KIF3C: variants seen among roughly 807,000 people sequenced by gnomAD.
The protein encoded by KIF3C is kinesin family member 3C.
Under a neutral mutation model 67.7 loss-of-function variants are expected in KIF3C, and 12 were observed. The ratio of observed to expected loss-of-function variants is 0.18; its 90% CI spans 0.11 to 0.29. KIF3C has a LOEUF of 0.29. Among genes scored for constraint, KIF3C ranks in the 10% least tolerant of loss-of-function variants. The pLI is 1.00. For missense variants in KIF3C, 789 were observed against 1,059.6 expected, an observed-to-expected ratio of 0.74 and a Z score of 3.55; for synonymous variants, 393 against 426.2, an observed-to-expected ratio of 0.92 and a Z score of 0.96.
At chr2:25,940,428 A>C (rs1049193676) in intron 5 of KIF3C, among the ~76,000 whole-genome samples, 1 of 151,554 alleles carries the variant, frequency 6.6e-6, no homozygotes, top group African/African-American at 2.4e-5. Flanking sequence ...AAAATTAGCC[A>C]GGTGTGGTGG....
chr2:25,977,027 G>A (rs907052774), intron 1 of KIF3C, among the ~76,000 whole-genome samples: 3 of 147,364 alleles, frequency 2.0e-5, no homozygotes, highest in East Asian at 2.1e-4. Flanking sequence ...AGCATTTCCC[G>A]CCCACACCCT....
chr2:25,941,532 A>C (rs1035439341), intron 5 of KIF3C, among the ~76,000 whole-genome samples: 3 of 151,924 alleles, frequency 2.0e-5, no homozygotes, highest in Non-Finnish European at 4.4e-5. Flanking sequence ...AGCCTGGGCA[A>C]CATAGTGAAA....
intron 5 of KIF3C, among the ~76,000 whole-genome samples, chr2:25,950,205 A>G (rs905219373): frequency 6.9e-6 from 1 of 145,764 alleles, no homozygotes; most frequent in Admixed American, 6.9e-5. Flanking sequence ...CAGCAGAAAG[A>G]CCTTTTCTTT....
intron 6 of KIF3C, 38 bp from the exon 7 acceptor site, chr2:25,929,515 C>G (rs1309944142): frequency 5.1e-6 from 8 of 1,581,900 alleles, no homozygotes. Flanking sequence ...GAACAGTGCC[C>G]AGTCACTGTG....
chr2:25,971,030 T>C (rs1462103113), intron 1 of KIF3C, among the ~76,000 whole-genome samples: 2 of 150,890 alleles, frequency 1.3e-5, no homozygotes, highest in Non-Finnish European at 1.5e-5. Flanking sequence ...CCCAGCACTT[T>C]GGGAGGCCGA....
chr2:25,971,271 C>CAAAAA (rs35420433), intron 1 of KIF3C, among the ~76,000 whole-genome samples: 1 of 59,168 alleles, frequency 1.7e-5, no homozygotes, highest in Non-Finnish European at 3.7e-5. Flanking sequence ...GACTCTGTCT[C>CAAAAA]AAAAAAAAAA....
intron 5 of KIF3C, among the ~76,000 whole-genome samples, chr2:25,939,180 C>T (rs1663221454): frequency 1.3e-5 from 2 of 152,164 alleles, no homozygotes; most frequent in Admixed American, 6.6e-5. Context: ...GTTGGCCAGG[C>T]TGGTCTCGAA....
At chr2:25,951,522 T>G (rs1049734483) in intron 5 of KIF3C, 1 of 410,158 alleles carries the variant, frequency 2.4e-6, no homozygotes, top group African/African-American at 2.0e-5. Flanking sequence ...GAGGCTGAGA[T>G]GCTCTTCCTC....
At position 25,958,930 on chromosome 2, in the gene KIF3C, T is replaced by C. The variant is rs984243084; in HGVS notation, c.1546-2486A>G. 6.6e-6 allele frequency among the ~76,000 whole-genome samples: 1 copy of C among 151,980 alleles called. No individual in the cohort carries two copies. The highest frequency in any genetic ancestry group is 2.4e-5 in the African/African-American group (1 of 41,382). ...TCTCTACTAAAAATACAAAATTAGC[T>C]GGGCATAATGGCACATGCCTGTAAT... is the stretch of plus-strand genomic sequence containing the variant. On this transcript the variant is annotated intron_variant, in intron 1 of 7. Transcript: ENST00000264712. The surrounding 1 kb of genome is among the most constrained non-coding windows in gnomAD (Gnocchi z 4.5).
chr2:25,974,713 A>G (rs746049886), intron 1 of KIF3C, among the ~76,000 whole-genome samples: 4 of 152,054 alleles, frequency 2.6e-5, no homozygotes, highest in Admixed American at 6.6e-5. Flanking sequence ...TCATTTACAC[A>G]GAGGGATAGA....
intron 5 of KIF3C, among the ~76,000 whole-genome samples, chr2:25,931,007 ATTGTT>A (rs2090454581): frequency 6.6e-6 from 1 of 152,120 alleles, no homozygotes; most frequent in African/African-American, 2.4e-5. Context: ...TATTGTTATA[ATTGTT>A]TTGTCTTATA....
At chr2:25,962,781 T>TATATA (rs1165556138) in intron 1 of KIF3C, among the ~76,000 whole-genome samples, 63 of 81,546 alleles carry the variant, frequency 7.7e-4, no homozygotes, top group African/African-American at 3.5e-3. Flanking sequence ...ATATATGTTA[T>TATATA]ATATATAATA....
intron 5 of KIF3C, chr2:25,938,181 G>A (rs1663187952): frequency 2.5e-6 from 1 of 393,352 alleles, no homozygotes; most frequent in Admixed American, 2.9e-5. Flanking sequence ...TGGCCAATTT[G>A]GTAAAACCCC....
chr2:25,963,927 G>A (rs1664075768), intron 1 of KIF3C, among the ~76,000 whole-genome samples: 1 of 152,014 alleles, frequency 6.6e-6, no homozygotes, highest in African/African-American at 2.4e-5. Context: ...TGCTGACCTT[G>A]TGATCCGCCC....
rs1433634586 is a variant in KIF3C at position 25,981,914 on chromosome 2, C to G, written c.4G>C (p.Ala2Pro). The change falls in exon 1 of 8, where the codon GCC (alanine) becomes CCC (proline). Residue 2 changes from alanine to proline, a missense_variant. Physicochemically the swap from Ala to Pro is conservative, Grantham distance 27. This residue lies in a region of KIF3C where 141 missense variants were observed against 251.8 expected (regional missense o/e 0.56). Transcript: ENST00000264712. This position sits in a 1 kb window ranked among gnomAD's most constrained non-coding sequence, Gnocchi z 8.2. ...GCCTCGCTGGCCTTGGTCTTACTGG[C>G]CATCTTGCTGCTCTGACCTTCCTGC... Reference protein sequence around the residue: MASKTKASEALK... With the variant: MPSKTKASEALK... The G allele has an allele frequency of 1.3e-6, 2 of 1,544,542 alleles. No homozygotes were observed. The highest frequency in any genetic ancestry group is 3.7e-5 in the Admixed American group (2 of 54,136).
intron 5 of KIF3C, among the ~76,000 whole-genome samples, chr2:25,933,516 C>CA (rs953619312): frequency 3.3e-5 from 5 of 150,124 alleles, no homozygotes; most frequent in East Asian, 2.0e-4. Context: ...ACAAAAAATA[C>CA]AAAAAAAAAT....
intron 1 of KIF3C, among the ~76,000 whole-genome samples, chr2:25,976,262 T>C (rs554524140): frequency 1.1e-4 from 16 of 152,292 alleles, no homozygotes; most frequent in African/African-American, 3.9e-4. Flanking sequence ...GGTTCTCTTT[T>C]CTACATTCAC....
chr2:25,969,190 A>G (rs1234052522), intron 1 of KIF3C, among the ~76,000 whole-genome samples: 1 of 152,122 alleles, frequency 6.6e-6, no homozygotes, highest in Non-Finnish European at 1.5e-5. Context: ...AGGTCACAGG[A>G]TTACCAATAA....
Position 25,974,582 on chromosome 2 carries a change from G to A in KIF3C, c.1545+5791C>T, listed in dbSNP as rs889551070. ...TAGCTAAGGAAACTGGTACTCAGAG[G>A]CCTCAGAACTGGTAAGTCACTAAAT... On this transcript the variant is annotated intron_variant, in intron 1 of 7. Coordinates refer to ENST00000264712, the MANE Select transcript of KIF3C (RefSeq NM_002254.8). 3.9e-5 allele frequency among the ~76,000 whole-genome samples: 6 copies of A among 152,130 alleles called. No homozygotes were observed. The East Asian group carries it at 9.6e-4, about 24-fold the overall frequency.
Sources: gnomAD v4.1 joint callset for allele counts (sites outside exome capture counted in the v4.1 genomes callset) on GRCh38, gnomAD v4.1.1 for gene constraint, gnomAD v4.1.1 regional missense constraint, Gnocchi (gnomAD v3.1) non-coding constraint, MANE v1.5 for transcripts, NCBI Gene and HGNC (gene_info 2026-07-23, HGNC 2026-07-21) for gene names.